Variants in CCDC7 observed in about 807,000 individuals in gnomAD.
CCDC7 encodes the protein coiled-coil domain-containing protein 7.
Under a neutral mutation model 196.9 loss-of-function variants are expected in CCDC7, and 183 were observed. The observed-to-expected ratio is 0.93, with a 90% CI of 0.82 to 1.05. CCDC7 has a LOEUF of 1.05. Ranked by LOEUF, CCDC7 falls within the 50% of genes least tolerant of loss-of-function variation. The pLI, the probability that CCDC7 is intolerant of heterozygous loss-of-function variation, is 0.00. For missense variants in CCDC7, 1,540 were observed against 1,482.2 expected, an observed-to-expected ratio of 1.04 and a Z score of -0.64; for synonymous variants, 525 against 484.6, an observed-to-expected ratio of 1.08 and a Z score of -1.10.
intron 5 of CCDC7, among the ~76,000 whole-genome samples, chr10:32,463,276 G>A (rs551081702): frequency 4.1e-4 from 63 of 152,128 alleles, no homozygotes; most frequent in African/African-American, 1.4e-3. Flanking sequence ...AAGTTTGACT[G>A]ACACATTTTT....
At chr10:32,537,557 A>G (rs550327280) in intron 11 of CCDC7, among the ~76,000 whole-genome samples, 2 of 152,312 alleles carry the variant, frequency 1.3e-5, no homozygotes, top group East Asian at 3.9e-4. Flanking sequence ...CTTTATCATG[A>G]AATCTTTGCC....
At position 32,733,493 on chromosome 10, in the gene CCDC7, A is replaced by G. The variant is rs889860538; in HGVS notation, c.2905+4036A>G. ...GATATTTGGAGCTATCAAAATGGAA[A>G]CACTAAGTAGTATGATAATTTTCAA... On this transcript the variant is annotated intron_variant, in intron 28 of 41. Transcript: ENST00000639629. 3.4e-4 allele frequency among the ~76,000 whole-genome samples: 52 copies of G among 152,252 alleles called. 1 individual carries two copies. Among genetic ancestry groups the G allele is most frequent in the African/African-American group, 1.0e-3 (42 of 41,574 alleles).
At chr10:32,497,148 A>G (rs1348013502) in intron 9 of CCDC7, among the ~76,000 whole-genome samples, 1 of 152,060 alleles carries the variant, frequency 6.6e-6, no homozygotes, top group Non-Finnish European at 1.5e-5. Context: ...GAATTTATCC[A>G]TTTCTTCTAG....
At chr10:32,657,679 C>T (rs749893875) in intron 20 of CCDC7, among the ~76,000 whole-genome samples, 8 of 152,194 alleles carry the variant, frequency 5.3e-5, no homozygotes, top group Non-Finnish European at 1.2e-4. Context: ...GTGAAGGTCT[C>T]TGACATGACT....
chr10:32,858,871 T>C (rs1337633659), intron 41 of CCDC7, among the ~76,000 whole-genome samples: 1 of 152,066 alleles, frequency 6.6e-6, no homozygotes, highest in African/African-American at 2.4e-5. Context: ...GAGCTAACTA[T>C]CCTAAATATA....
exon 1 of CCDC7, chr10:32,451,744 G>A (rs2133352811): frequency 6.2e-7 from 1 of 1,614,090 alleles, no homozygotes. Context: ...TATCACCTGA[G>A]CTAAAGGAAA....
exon 41 of CCDC7, chr10:32,854,430 A>G: frequency 6.2e-7 from 1 of 1,608,270 alleles, no homozygotes; most frequent in Non-Finnish European, 8.5e-7. Flanking sequence ...TTAAGCCAAA[A>G]AACTATTGAA....
rs77676850 is a variant in CCDC7, at chr10:32,761,250, C to G, written c.2906-17727C>G. Among the ~76,000 whole-genome samples the G allele has an allele frequency of 7.9e-3, 1,199 of 152,040 alleles. 7 individuals carry two copies. The highest frequency in any genetic ancestry group is 0.02 in the Middle Eastern group (6 of 294). On this transcript the variant is annotated intron_variant, in intron 28 of 41. Transcript: ENST00000639629. Reference sequence around the variant, plus strand: ...CCAGCAGTTACCACATACCTTGTTTCTTTTGTTCTTTTCACCTATATTGAC... The same window carrying G: ...CCAGCAGTTACCACATACCTTGTTTGTTTTGTTCTTTTCACCTATATTGAC...
At chr10:32,588,112 G>A (rs935272769) in intron 18 of CCDC7, among the ~76,000 whole-genome samples, 3 of 152,212 alleles carry the variant, frequency 2.0e-5, no homozygotes, top group Non-Finnish European at 4.4e-5. Flanking sequence ...TCAGCACTCT[G>A]CAGAGAGAGT....
intron 13 of CCDC7, among the ~76,000 whole-genome samples, chr10:32,565,152 C>T (rs1230548972): frequency 2.0e-5 from 3 of 152,138 alleles, no homozygotes; most frequent in Non-Finnish European, 2.9e-5. Context: ...CTCAAAGTGT[C>T]TTTAATTTGA....
chr10:32,834,198 G>A (rs2092427276), intron 32 of CCDC7, among the ~76,000 whole-genome samples: 1 of 151,926 alleles, frequency 6.6e-6, no homozygotes, highest in African/African-American at 2.4e-5. Context: ...GACCTGAGAG[G>A]GCACGTTCTA....
chr10:32,518,336 C>G lies in CCDC7; in HGVS notation c.904-80C>G, dbSNP rs917444939. On this transcript the variant is annotated intron_variant, in intron 10 of 41. Coordinates refer to ENST00000639629, the Ensembl canonical transcript of CCDC7. ...TCATGAGTTAATGAAGACTTTCTTACCTTAATAATTAAATATCTGAATAAC... is the reference window on the plus strand; with the variant it reads ...TCATGAGTTAATGAAGACTTTCTTAGCTTAATAATTAAATATCTGAATAAC... The G allele has an allele frequency of 5.8e-6, 8 of 1,379,438 alleles. No homozygotes were observed. The Admixed American group carries it at 1.4e-4, about 24-fold the overall frequency. 85.4% of individuals were successfully genotyped at this position (1,379,438 alleles called of 1,614,324 possible). A position where few individuals can be genotyped will look rare whatever the true frequency, so the allele number is the denominator to read the frequency against.
intron 21 of CCDC7, 24 bp from the exon 23 acceptor site, chr10:32,685,946 A>ATAAATAC: frequency 7.7e-7 from 1 of 1,298,036 alleles, no homozygotes; most frequent in Non-Finnish European, 1.1e-6. Flanking sequence ...TATTTAGTGG[A>ATAAATAC]ATAAATGTAT....
At chr10:32,686,550 TG>T (rs1168379898) in intron 22 of CCDC7, among the ~76,000 whole-genome samples, 1 of 152,166 alleles carries the variant, frequency 6.6e-6, no homozygotes, top group Non-Finnish European at 1.5e-5. Context: ...TTCTGTTGGT[TG>T]GGGCCTGCTC....
chr10:32,562,486 G>A (rs1335337146), intron 13 of CCDC7, among the ~76,000 whole-genome samples: 1 of 152,130 alleles, frequency 6.6e-6, no homozygotes, highest in Non-Finnish European at 1.5e-5. Context: ...GGGATGCAAG[G>A]CTGGTTCAAT....
chr10:32,563,259 C>A (rs1195363280), intron 13 of CCDC7, among the ~76,000 whole-genome samples: 34 of 152,138 alleles, frequency 2.2e-4, no homozygotes, highest in African/African-American at 6.5e-4. Context: ...CATCCCCATC[C>A]AGCTACCAAT....
chr10:32,651,493 A>G (rs1037134908), intron 20 of CCDC7, among the ~76,000 whole-genome samples: 2 of 152,176 alleles, frequency 1.3e-5, no homozygotes, highest in Non-Finnish European at 2.9e-5. Context: ...AGTTAAAGAA[A>G]AAGGAAAGAA....
At chr10:32,727,397 T>G (rs1027410572) in intron 26 of CCDC7, among the ~76,000 whole-genome samples, 4 of 152,124 alleles carry the variant, frequency 2.6e-5, no homozygotes, top group Non-Finnish European at 5.9e-5. Context: ...AATGTTAAAG[T>G]GCCCATGGCC....
chr10:32,473,839 GTTA>G (rs1203897894), intron 7 of CCDC7, 125 bp from the exon 9 acceptor site: 1 of 826,396 alleles, frequency 1.2e-6, no homozygotes, highest in Non-Finnish European at 1.8e-6. Flanking sequence ...AGTGTTGGCA[GTTA>G]TTATTTTTTC....
Sources: gnomAD v4.1 joint callset for allele counts (sites outside exome capture counted in the v4.1 genomes callset) on GRCh38, gnomAD v4.1.1 for gene constraint, MANE v1.5 for transcripts, NCBI Gene and HGNC (gene_info 2026-07-23, HGNC 2026-07-21) for gene names.